The following TET1 variants were observed in gnomAD, a reference collection of about 807,000 sequenced individuals.
The protein encoded by TET1 is tet methylcytosine dioxygenase 1, also known as methylcytosine dioxygenase TET1.
Under a neutral mutation model 148.7 loss-of-function variants are expected in TET1, and 13 were observed. That is an observed-to-expected ratio of 0.09 (90% CI 0.06 to 0.14). TET1 has a LOEUF of 0.14. Among genes scored for constraint, TET1 ranks in the 10% least tolerant of loss-of-function variants. The pLI is 1.00. For synonymous variants in TET1, 907 were observed against 937.2 expected (o/e 0.97, Z 0.59); for missense variants, 2,182 against 2,553.8 (o/e 0.85, Z 3.14).
chr10:68,605,290 T>C (rs1026751368), intron 3 of TET1, among the ~76,000 whole-genome samples: 4 of 152,018 alleles, frequency 2.6e-5, no homozygotes, highest in South Asian at 2.1e-4. Context: ...CTGACCAACA[T>C]AGAGAAACCC....
At chr10:68,604,153 G>T (rs943281943) in intron 3 of TET1, among the ~76,000 whole-genome samples, 6 of 152,170 alleles carry the variant, frequency 3.9e-5, no homozygotes, top group Non-Finnish European at 5.9e-5. Context: ...ACGTGGTTTG[G>T]AATTCCTCTT....
intron 2 of TET1, among the ~76,000 whole-genome samples, chr10:68,595,971 C>CATATGTAT (rs1564958893): frequency 5.7e-4 from 27 of 47,300 alleles, no homozygotes; most frequent in South Asian, 2.9e-3. Flanking sequence ...TACACACACA[C>CATATGTAT]ACACACATAT....
intron 2 of TET1, among the ~76,000 whole-genome samples, chr10:68,583,545 A>G (rs1207104946): frequency 6.6e-6 from 1 of 152,152 alleles, no homozygotes; most frequent in Non-Finnish European, 1.5e-5. Context: ...TTACTGATTT[A>G]ATTATGCACC....
chr10:68,633,711 A>G (rs554721235), intron 3 of TET1, among the ~76,000 whole-genome samples: 98 of 152,318 alleles, frequency 6.4e-4, no homozygotes, highest in African/African-American at 2.2e-3. Context: ...GATTGCAGGC[A>G]TGAGCCACGG....
chr10:68,580,795 A>ATATATAT (rs1232133553), intron 2 of TET1, among the ~76,000 whole-genome samples: 9 of 139,572 alleles, frequency 6.4e-5, no homozygotes, highest in African/African-American at 2.1e-4. Flanking sequence ...AAAAAAAAAA[A>ATATATAT]AAAAAAAAAA....
intron 1 of TET1, among the ~76,000 whole-genome samples, chr10:68,562,312 G>T (rs1381377195): frequency 6.6e-6 from 1 of 152,194 alleles, no homozygotes; most frequent in East Asian, 1.9e-4. Flanking sequence ...CAGTTATTTG[G>T]AGCACACTAG....
intron 3 of TET1, among the ~76,000 whole-genome samples, chr10:68,604,396 A>T (rs1251298825): frequency 1.3e-5 from 2 of 152,216 alleles, no homozygotes; most frequent in African/African-American, 4.8e-5. Context: ...AGAACTAAGG[A>T]TGGTGAAGAA....
Position 68,646,028 on chromosome 10 carries a change from T to G in TET1, c.3299T>G (p.Val1100Gly). The G allele has an allele frequency of 1.2e-6, 2 of 1,613,934 alleles. No homozygotes were observed. Among genetic ancestry groups the G allele is most frequent in the South Asian group, 2.2e-5 (2 of 91,062 alleles). ...INYIKPEDKK[V>G]ESTPTSLVTC... is the part of the protein sequence containing the mutation. ...TATATAAAACCAGAGGACAAAAAAG[T>G]TGAAAGTACACCAACAAGCCTTGTC... The change falls in exon 4 of 12, where the codon GTT (valine) becomes GGT (glycine). Residue 1100 changes from valine to glycine, a missense_variant. Physicochemically the swap from Val to Gly is moderately radical, Grantham distance 109. This residue lies in a region of TET1 where 582 missense variants were observed against 599.5 expected (regional missense o/e 0.97). Transcript: ENST00000373644.
At chr10:68,620,221 C>A (rs922952924) in intron 3 of TET1, among the ~76,000 whole-genome samples, 1 of 152,110 alleles carries the variant, frequency 6.6e-6, no homozygotes, top group Non-Finnish European at 1.5e-5. Flanking sequence ...AATTCAGTGG[C>A]TTTTAGTACA....
rs145585032 is a variant in TET1, at chr10:68,613,207, A to T, written c.1968+12173A>T. Among the ~76,000 whole-genome samples, 241 of 152,338 alleles carry T rather than the reference A, an allele frequency of 1.6e-3. 1 individual carries two copies. Among genetic ancestry groups the T allele is most frequent in the African/African-American group, 5.6e-3 (233 of 41,586 alleles). On this transcript the variant is annotated intron_variant, in intron 3 of 11. Coordinates refer to ENST00000373644, the MANE Select transcript of TET1 (RefSeq NM_030625.3). ...GCAAATCAAGATACATATTTAATAC[A>T]TTTATTTTAATTTGGTTAACTTTTC... is the stretch of plus-strand genomic sequence containing the variant.
intron 3 of TET1, among the ~76,000 whole-genome samples, chr10:68,610,370 G>T (rs1211613491): frequency 6.6e-6 from 1 of 151,020 alleles, no homozygotes; most frequent in African/African-American, 2.4e-5. Context: ...GATCACTTGA[G>T]GTCAGGAGCT....
At chr10:68,685,184 G>C (rs986705704) in intron 10 of TET1, among the ~76,000 whole-genome samples, 22 of 152,258 alleles carry the variant, frequency 1.4e-4, no homozygotes, top group African/African-American at 5.3e-4. Flanking sequence ...AAACCCAGGA[G>C]TTTGAGGCTG....
At chr10:68,638,753 C>A (rs1420313932) in intron 3 of TET1, among the ~76,000 whole-genome samples, 1 of 138,988 alleles carries the variant, frequency 7.2e-6, no homozygotes, top group Non-Finnish European at 1.5e-5. Flanking sequence ...GGAAATACTG[C>A]ATGTATGGAG....
At chr10:68,627,649 C>T (rs1329054272) in intron 3 of TET1, among the ~76,000 whole-genome samples, 1 of 151,544 alleles carries the variant, frequency 6.6e-6, no homozygotes, top group Non-Finnish European at 1.5e-5. Context: ...ATAAAGTGGC[C>T]GGGCGCGGTG....
intron 1 of TET1, among the ~76,000 whole-genome samples, chr10:68,571,539 T>C (rs2053669681): frequency 6.6e-6 from 1 of 151,824 alleles, no homozygotes; most frequent in African/African-American, 2.4e-5. Flanking sequence ...GTGCTAGGAT[T>C]ACAGGCGTGA....
At chr10:68,596,025 C>CATATATATATAT (rs1270482577) in intron 2 of TET1, among the ~76,000 whole-genome samples, 31 of 56,014 alleles carry the variant, frequency 5.5e-4, no homozygotes, top group African/African-American at 1.7e-3. Context: ...CACACACACA[C>CATATATATATAT]ACATATATAT....
chr10:68,691,478 A>C lies in TET1; in HGVS notation c.6075A>C (p.Arg2025=). The C allele has an allele frequency of 1.2e-6, 2 of 1,614,058 alleles. No homozygotes were observed. Among genetic ancestry groups the C allele is most frequent in the East Asian group, 4.5e-5 (2 of 44,860 alleles). The change falls in exon 12 of 12, where the codon CGA becomes CGC. Residue 2025 remains arginine (R), a synonymous_variant. Coordinates refer to ENST00000373644, the MANE Select transcript of TET1 (RefSeq NM_030625.3). The surrounding 1 kb of genome is among the most constrained non-coding windows in gnomAD (Gnocchi z 4.4). The part of the protein sequence containing the change: ...HGSVLIECAR[R]ELHATTPVEH... ...CGGTTTTGATTGAGTGTGCCCGGCG[A>C]GAGCTGCACGCTACCACTCCTGTTG...
At chr10:68,574,817 G>C (rs956386967) in intron 2 of TET1, among the ~76,000 whole-genome samples, 1 of 152,114 alleles carries the variant, frequency 6.6e-6, no homozygotes, top group African/African-American at 2.4e-5. Context: ...AACCTCATAG[G>C]GTTGTTGGGA....
intron 7 of TET1, among the ~76,000 whole-genome samples, chr10:68,670,071 T>G (rs1282655890): frequency 6.6e-6 from 1 of 152,230 alleles, no homozygotes; most frequent in African/African-American, 2.4e-5. Context: ...GAGAGCTAGA[T>G]GTAGACTTTG....
Sources: gnomAD v4.1 joint callset for allele counts (sites outside exome capture counted in the v4.1 genomes callset) on GRCh38, gnomAD v4.1.1 for gene constraint, gnomAD v4.1.1 regional missense constraint, Gnocchi (gnomAD v3.1) non-coding constraint, MANE v1.5 for transcripts, NCBI Gene and HGNC (gene_info 2026-07-23, HGNC 2026-07-21) for gene names.